Variants in ELP3 observed in about 807,000 individuals in gnomAD.
ELP3 encodes the protein elongator complex protein 3.
Under a neutral mutation model 74.9 loss-of-function variants are expected in ELP3, and 56 were observed. The ratio of observed to expected loss-of-function variants is 0.75; its 90% CI spans 0.60 to 0.93. The LOEUF (loss-of-function observed/expected upper bound fraction) is 0.93, where lower values mean the gene tolerates loss of function less well. ELP3 is among the 40% of genes least tolerant of loss of function. ELP3 has a pLI of 0.00. For missense variants in ELP3, 573 were observed against 686.5 expected (o/e 0.83, Z 1.85); for synonymous variants, 222 against 239.8 (o/e 0.93, Z 0.68).
intron 1 of ELP3, among the ~76,000 whole-genome samples, chr8:28,096,456 G>T (rs1811256925): frequency 6.6e-6 from 1 of 152,148 alleles, no homozygotes; most frequent in Non-Finnish European, 1.5e-5. Context: ...CAGCTTCCAA[G>T]CTGATATCCC....
intron 14 of ELP3, among the ~76,000 whole-genome samples, chr8:28,171,180 C>A (rs1814510644): frequency 6.6e-6 from 1 of 152,060 alleles, no homozygotes; most frequent in Non-Finnish European, 1.5e-5. Context: ...GCTTTCATTT[C>A]TTTTGCATAT....
chr8:28,162,186 A>G, intron 14 of ELP3, 108 bp downstream of exon 14: 2 of 1,141,508 alleles, frequency 1.8e-6, no homozygotes, highest in Non-Finnish European at 2.6e-6. Flanking sequence ...ATTACGTTCA[A>G]AATTGAGCTG....
intron 7 of ELP3, chr8:28,113,568 A>G (rs1311955958): frequency 6.5e-6 from 1 of 153,274 alleles, no homozygotes; most frequent in Non-Finnish European, 1.5e-5. Flanking sequence ...TAAATATTTC[A>G]TAATTATTAA....
chr8:28,184,177 CAA>C (rs1369669155), intron 14 of ELP3, among the ~76,000 whole-genome samples: 1 of 152,120 alleles, frequency 6.6e-6, no homozygotes, highest in African/African-American at 2.4e-5. Context: ...TTTCAAAAAA[CAA>C]GAGGCAGAAA....
chr8:28,113,883 A>T (rs945437132), intron 7 of ELP3: 2 of 152,196 alleles, frequency 1.3e-5, no homozygotes, highest in African/African-American at 4.8e-5. Context: ...TTTCAACATG[A>T]GTTTTAGAGG....
At chr8:28,097,394 G>A in intron 2 of ELP3, 76 bp downstream of exon 2, 2 of 878,240 alleles carry the variant, frequency 2.3e-6, no homozygotes, top group Admixed American at 2.4e-5. Flanking sequence ...AGTACTACTT[G>A]TTTTCCAGCT....
intron 14 of ELP3, among the ~76,000 whole-genome samples, chr8:28,187,577 A>G (rs1332467128): frequency 1.3e-5 from 2 of 152,208 alleles, no homozygotes; most frequent in Non-Finnish European, 2.9e-5. Flanking sequence ...CGCCCGTCTC[A>G]GGACTTTCAC....
rs1265834791 is a variant in ELP3 at position 28,190,325 on chromosome 8, A to G, written c.*600A>G. 1 of 152,230 alleles carries G rather than the reference A, an allele frequency of 6.6e-6. No individual in the cohort carries two copies. Among genetic ancestry groups the G allele is most frequent in the African/African-American group, 2.4e-5 (1 of 41,434 alleles). 9.4% of individuals were successfully genotyped at this position (152,230 alleles called of 1,614,324 possible). ...GCAGTTGTGGGGGTGTGAGCCTGGC[A>G]GCAGCCAGCCAGCAGCCTCTCCCAG... On this transcript the variant is annotated 3_prime_UTR_variant, in exon 15 of 15. Transcript: ENST00000256398.
chr8:28,127,268 T>C (rs1331284968), intron 7 of ELP3, among the ~76,000 whole-genome samples: 2 of 152,184 alleles, frequency 1.3e-5, no homozygotes, highest in Non-Finnish European at 2.9e-5. Flanking sequence ...ATTTTCTCTT[T>C]CCTCTACACA....
At chr8:28,100,314 G>A (rs1198793224) in intron 3 of ELP3, among the ~76,000 whole-genome samples, 2 of 152,208 alleles carry the variant, frequency 1.3e-5, no homozygotes, top group Non-Finnish European at 1.5e-5. Context: ...AGTTAATGGT[G>A]CAAAGTAGTT....
intron 6 of ELP3, among the ~76,000 whole-genome samples, chr8:28,111,555 G>A (rs1585650971): frequency 6.6e-6 from 1 of 152,204 alleles, no homozygotes; most frequent in African/African-American, 2.4e-5. Context: ...TGTCACCCAA[G>A]CGTATGAGGA....
At position 28,126,479 on chromosome 8, in the gene ELP3, T is replaced by G. The variant is rs998894351; in HGVS notation, c.618-3023T>G. On this transcript the variant is annotated intron_variant, in intron 7 of 14. Coordinates refer to ENST00000256398, the MANE Select transcript of ELP3 (RefSeq NM_018091.6). ...CCCCACAGTGTTGAGCTGTACAGGC[T>G]TAAAATGAACCTGTAATACCACAAA... is the stretch of plus-strand genomic sequence containing the variant. Among the ~76,000 whole-genome samples, 6 of 152,322 alleles carry G rather than the reference T, an allele frequency of 3.9e-5. No homozygotes were observed. In the East Asian group the frequency reaches 1.2e-3, roughly 29 times the overall value.
At chr8:28,170,401 A>G (rs1161595471) in intron 14 of ELP3, among the ~76,000 whole-genome samples, 1 of 152,150 alleles carries the variant, frequency 6.6e-6, no homozygotes, top group Non-Finnish European at 1.5e-5. Flanking sequence ...TGGCAACACA[A>G]TCACACCTCA....
chr8:28,183,354 T>C (rs1815096361), intron 14 of ELP3: 2 of 399,628 alleles, frequency 5.0e-6, no homozygotes, highest in Non-Finnish European at 1.0e-5. Flanking sequence ...GAAAAGGTCA[T>C]GTAGGAAAGC....
intron 10 of ELP3, among the ~76,000 whole-genome samples, chr8:28,154,788 TTAAG>T (rs1304930814): frequency 2.0e-5 from 3 of 152,328 alleles, no homozygotes; most frequent in African/African-American, 7.2e-5. Flanking sequence ...CTGATAACTG[TTAAG>T]TAAGCCATAT....
chr8:28,128,489 A>G (rs545202567), intron 7 of ELP3, among the ~76,000 whole-genome samples: 1 of 152,176 alleles, frequency 6.6e-6, no homozygotes, highest in South Asian at 2.1e-4. Flanking sequence ...AAAAAAATTG[A>G]GAGATGTTGA....
rs997311668 is a variant in ELP3, at chr8:28,190,334, C to G, written c.*609C>G. 1.3e-5 allele frequency: 2 copies of G among 152,226 alleles called. No individual in the cohort carries two copies. Among genetic ancestry groups the G allele is most frequent in the Non-Finnish European group, 2.9e-5 (2 of 68,072 alleles). The allele number at this position is 152,226 out of a possible 1,614,324, so 9.4% of individuals were successfully genotyped here. A position where few individuals can be genotyped will look rare whatever the true frequency, so the allele number is the denominator to read the frequency against. ...GGGGTGTGAGCCTGGCAGCAGCCAG[C>G]CAGCAGCCTCTCCCAGGCGGGAGTC... On this transcript the variant is annotated 3_prime_UTR_variant, in exon 15 of 15. Transcript: ENST00000256398.
intron 8 of ELP3, among the ~76,000 whole-genome samples, chr8:28,131,600 G>A (rs908366109): frequency 6.6e-6 from 1 of 152,184 alleles, no homozygotes; most frequent in Non-Finnish European, 1.5e-5. Context: ...GTGGCAGAAG[G>A]ATAGCCACAA....
chr8:28,128,511 G>C (rs1434112639), intron 7 of ELP3, among the ~76,000 whole-genome samples: 1 of 152,150 alleles, frequency 6.6e-6, no homozygotes, highest in Non-Finnish European at 1.5e-5. Flanking sequence ...AAGCAGAGAA[G>C]TCTGGGGTGG....
Sources: gnomAD v4.1 joint callset for allele counts (sites outside exome capture counted in the v4.1 genomes callset) on GRCh38, gnomAD v4.1.1 for gene constraint, MANE v1.5 for transcripts, NCBI Gene and HGNC (gene_info 2026-07-23, HGNC 2026-07-21) for gene names.